FALEC: variants seen among roughly 807,000 people sequenced by gnomAD.
The protein encoded by FALEC is focally amplified lncRNA on chromosome 1.
At chr1:150,520,621 T>C (rs767380819), downstream of FALEC, among the ~76,000 whole-genome samples, 4 of 152,148 alleles carry the variant, frequency 2.6e-5, no homozygotes, top group Admixed American at 2.0e-4. Flanking sequence ...CTTTCAACTA[T>C]TGTGAATAAT....
chr1:150,520,783 C>CTTTTTTTT (rs71086518), downstream of FALEC, among the ~76,000 whole-genome samples: 218 of 42,842 alleles, frequency 5.1e-3, 17 homozygotes, highest in African/African-American at 8.6e-3. Flanking sequence ...CTTTTCTTTT[C>CTTTTTTTT]TTTTTTTTTT....
At chr1:150,523,285 G>A in the FALEC span, among the ~76,000 whole-genome samples, 3 of 149,186 alleles carry the variant, frequency 2.0e-5, no homozygotes, top group Admixed American at 6.7e-5. Context: ...GAGCCACTGC[G>A]CCTGGCATAT....
At chr1:150,533,430 CT>C in the FALEC span, among the ~76,000 whole-genome samples, 1,408 of 97,634 alleles carry the variant, frequency 0.014, 13 homozygotes, top group African/African-American at 0.053. Context: ...AGAACCAGAG[CT>C]TTTTTTTTTT....
At chr1:150,519,033 G>A (rs1006870970), downstream of FALEC, among the ~76,000 whole-genome samples, 1 of 152,162 alleles carries the variant, frequency 6.6e-6, no homozygotes, top group African/African-American at 2.4e-5. Flanking sequence ...TCCAGCCTGG[G>A]CGACAAGAGT....
chr1:150,523,888 A>G, the FALEC span, among the ~76,000 whole-genome samples: 1 of 152,150 alleles, frequency 6.6e-6, no homozygotes, highest in Non-Finnish European at 1.5e-5. Flanking sequence ...GGCATCACAA[A>G]GTAGGCAGAA....
the FALEC span, among the ~76,000 whole-genome samples, chr1:150,534,211 G>A: frequency 3.3e-5 from 5 of 152,164 alleles, no homozygotes; most frequent in African/African-American, 1.2e-4. Flanking sequence ...GGTGCAGGAG[G>A]GCGGCACCTC....
At chr1:150,522,845 CTCTCTCTA>C (rs1403555599), downstream of FALEC, among the ~76,000 whole-genome samples, 2 of 109,354 alleles carry the variant, frequency 1.8e-5, no homozygotes, top group Admixed American at 1.9e-4. Flanking sequence ...CTCTCTCTCT[CTCTCTCTA>C]TATATATATA....
exon 2 of FALEC, chr1:150,517,879 G>A (rs961664639): frequency 2.0e-5 from 3 of 152,150 alleles, no homozygotes; most frequent in African/African-American, 7.2e-5. Context: ...TGTCCTCAGT[G>A]GTAGCAACTT....
the FALEC span, among the ~76,000 whole-genome samples, chr1:150,535,675 C>T: frequency 2.0e-5 from 3 of 152,192 alleles, no homozygotes; most frequent in Admixed American, 6.5e-5. Flanking sequence ...AGAACCCTGA[C>T]GCTTGGCATG....
downstream of FALEC, among the ~76,000 whole-genome samples, chr1:150,522,963 A>G (rs1227090465): frequency 3.1e-5 from 1 of 32,376 alleles, no homozygotes; most frequent in Non-Finnish European, 6.4e-5. Context: ...ATATATATAT[A>G]TATATATATA....
chr1:150,532,191 G>C, the FALEC span, among the ~76,000 whole-genome samples: 2 of 152,224 alleles, frequency 1.3e-5, no homozygotes, highest in African/African-American at 4.8e-5. Flanking sequence ...ACAGGCATGA[G>C]CCACCGCACC....
At chr1:150,522,863 ATACG>A (rs1670663759), downstream of FALEC, among the ~76,000 whole-genome samples, 1 of 123,354 alleles carries the variant, frequency 8.1e-6, no homozygotes, top group African/African-American at 3.3e-5. Flanking sequence ...ATATATATAT[ATACG>A]TATATATACA....
chr1:150,536,229 G>A, the FALEC span, among the ~76,000 whole-genome samples: 41 of 152,316 alleles, frequency 2.7e-4, no homozygotes, highest in Admixed American at 6.5e-4. Context: ...TTCCTGGGAT[G>A]CCATGAGCAA....
chr1:150,525,265 C>T, the FALEC span, among the ~76,000 whole-genome samples: 5 of 151,916 alleles, frequency 3.3e-5, no homozygotes, highest in Admixed American at 1.3e-4. Flanking sequence ...CCAGTCTGGG[C>T]GACAGAGCAA....
At chr1:150,515,913 T>G (rs587597024) in exon 1 of FALEC, 1 of 152,468 alleles carries the variant, frequency 6.6e-6, no homozygotes, top group African/African-American at 2.4e-5. Context: ...CACGAAGCCT[T>G]GTCACCTGGC....
chr1:150,525,757 T>A, the FALEC span, among the ~76,000 whole-genome samples: 2 of 152,082 alleles, frequency 1.3e-5, no homozygotes, highest in Non-Finnish European at 2.9e-5. Flanking sequence ...GCTCAAGTGA[T>A]CCTCCTGCCT....
At chr1:150,522,634 AAAC>A (rs1478148827), downstream of FALEC, among the ~76,000 whole-genome samples, 2 of 151,514 alleles carry the variant, frequency 1.3e-5, no homozygotes, top group South Asian at 2.1e-4. Context: ...AAAAAAAAAA[AAAC>A]AAGAAGTTGG....
chr1:150,522,439 G>A (rs587752492), downstream of FALEC, among the ~76,000 whole-genome samples: 9 of 151,758 alleles, frequency 5.9e-5, no homozygotes, highest in South Asian at 1.0e-3. Context: ...CCTGGGCAAC[G>A]TGGTGAAACC....
downstream of FALEC, among the ~76,000 whole-genome samples, chr1:150,520,242 A>G (rs2101455466): frequency 6.6e-6 from 1 of 152,340 alleles, no homozygotes; most frequent in South Asian, 2.1e-4. Context: ...TATTCACAAT[A>G]TTGTACAACC....
Sources: allele counts gnomAD v4.1 joint callset (sites outside exome capture counted in the v4.1 genomes callset), GRCh38; gene constraint gnomAD v4.1.1; transcripts MANE v1.5; gene names NCBI Gene and HGNC (gene_info 2026-07-23, HGNC 2026-07-21).